Variants in ARHGEF9 observed in about 807,000 individuals in gnomAD.
ARHGEF9 encodes Cdc42 guanine nucleotide exchange factor 9.
In ARHGEF9, 2 loss-of-function variants were observed where a neutral mutation model predicts 41.3. The ratio of observed to expected loss-of-function variants is 0.05; its 90% CI spans 0.02 to 0.15. The LOEUF is 0.15. Ranked by LOEUF, ARHGEF9 falls within the 10% of genes least tolerant of loss-of-function variation. ARHGEF9 has a pLI of 1.00. For synonymous variants in ARHGEF9, 160 were observed against 154.4 expected, an observed-to-expected ratio of 1.04 and a Z score of -0.27; for missense variants, 225 against 424.7, an observed-to-expected ratio of 0.53 and a Z score of 4.13.
chrX:63,706,586 G>A (rs868911340), intron 2 of ARHGEF9, 137 bp from the exon 3 acceptor site: 27 of 733,288 alleles, frequency 3.7e-5, no homozygotes, highest in African/African-American at 1.7e-4. Context: ...AGTAGAATTC[G>A]AAACCTGGCT....
chrX:63,669,865 G>A (rs1488971648), intron 6 of ARHGEF9, among the ~76,000 whole-genome samples: 10 of 112,004 alleles, frequency 8.9e-5, no homozygotes, highest in African/African-American at 3.2e-4. Flanking sequence ...AAATCAATGA[G>A]AGTGGAAACT....
At chrX:63,724,811 C>T in intron 1 of ARHGEF9, 100 bp from the exon 2 acceptor site, 1 of 871,311 alleles carries the variant, frequency 1.1e-6, no homozygotes, top group Admixed American at 2.3e-5. Flanking sequence ...AACTCATATA[C>T]TCAAGTGGTG....
chrX:63,665,873 G>C lies in ARHGEF9; in HGVS notation c.1077+13C>G, dbSNP rs782189949. 9 of 1,207,967 alleles carry C rather than the reference G, an allele frequency of 7.5e-6. No individual in the cohort carries two copies. The Admixed American group carries it at 1.5e-4, about 21-fold the overall frequency. ...GTACCCATCTCCCTCAGGGAAGAAG[G>C]GGGCAGGGTTACCTTCTTGCAGAGG... is the stretch of plus-strand genomic sequence containing the variant. On this transcript the variant is annotated intron_variant, in intron 7 of 9. Coordinates refer to ENST00000671741, the MANE Select transcript of ARHGEF9 (RefSeq NM_001353921.2).
chrX:63,664,274 T>C (rs1406870579), intron 7 of ARHGEF9, among the ~76,000 whole-genome samples: 1 of 112,533 alleles, frequency 8.9e-6, no homozygotes, highest in African/African-American at 3.2e-5. Flanking sequence ...CCTTTATTCC[T>C]GGCTTCTGAC....
intron 8 of ARHGEF9, among the ~76,000 whole-genome samples, chrX:63,646,308 C>G (rs1277301350): frequency 8.9e-6 from 1 of 111,941 alleles, no homozygotes; most frequent in Non-Finnish European, 1.9e-5. Context: ...CTTGCCCATG[C>G]GTATGTCCCG....
chrX:63,676,145 C>T (rs1390118022), intron 5 of ARHGEF9, among the ~76,000 whole-genome samples: 2 of 112,062 alleles, frequency 1.8e-5, no homozygotes, highest in Non-Finnish European at 3.8e-5. Context: ...CCTCCTAGTT[C>T]ACATCCCTCA....
chrX:63,775,206 C>T (rs1556457473), intron 1 of ARHGEF9, among the ~76,000 whole-genome samples: 1 of 112,332 alleles, frequency 8.9e-6, no homozygotes, highest in Non-Finnish European at 1.9e-5. Flanking sequence ...AGAGAAAAGG[C>T]AACACTTATA....
At chrX:63,754,275 G>A in intron 1 of ARHGEF9, 1 of 1,203,974 alleles carries the variant, frequency 8.3e-7, no homozygotes. Flanking sequence ...GACAAGACAC[G>A]ACAAAAGATT....
intron 1 of ARHGEF9, among the ~76,000 whole-genome samples, chrX:63,778,987 C>T (rs1392396275): frequency 1.8e-5 from 2 of 111,757 alleles, no homozygotes; most frequent in East Asian, 5.6e-4. Context: ...GCACTTTATC[C>T]CCATTTTATG....
chrX:63,643,555 C>G (rs1476799305), intron 9 of ARHGEF9, among the ~76,000 whole-genome samples: 3 of 110,190 alleles, frequency 2.7e-5, no homozygotes, highest in African/African-American at 6.6e-5. Context: ...CCAAGTTGGC[C>G]AGGCTGGTCT....
intron 1 of ARHGEF9, among the ~76,000 whole-genome samples, chrX:63,771,440 T>C (rs1168384702): frequency 8.9e-6 from 1 of 112,421 alleles, no homozygotes; most frequent in Non-Finnish European, 1.9e-5. Flanking sequence ...CGTGCTCAGA[T>C]AATTGGTTGA....
intron 8 of ARHGEF9, among the ~76,000 whole-genome samples, chrX:63,646,494 C>A (rs1249379371): frequency 8.9e-6 from 1 of 111,881 alleles, no homozygotes; most frequent in African/African-American, 3.3e-5. Context: ...GGAATTGTTT[C>A]CCCATTGCTT....
rs782358245 is a variant in ARHGEF9 at position 63,637,882 on chromosome X, C to G, written c.*146G>C. On this transcript the variant is annotated 3_prime_UTR_variant, in exon 10 of 10. Transcript: ENST00000671741. ...TGTGTGTGTGTGTGTGTGTGTGTGT[C>G]TGTGTGTGTGTGTGTGTATGTGTAC... 1,082 of 287,330 alleles carry G rather than the reference C, an allele frequency of 3.8e-3. 2 individuals are homozygous for G. Among genetic ancestry groups the G allele is most frequent in the African/African-American group, 9.0e-3 (251 of 27,860 alleles). The allele number at this position is 287,330 out of a possible 1,213,427, so 23.7% of individuals were successfully genotyped here.
chrX:63,784,424 G>A (rs1397898725), intron 1 of ARHGEF9, among the ~76,000 whole-genome samples: 2 of 112,755 alleles, frequency 1.8e-5, no homozygotes, highest in African/African-American at 6.4e-5. Context: ...CACACTCCTT[G>A]GGAGGGAGAG....
chrX:63,660,973 A>G (rs1256872937), intron 7 of ARHGEF9, among the ~76,000 whole-genome samples: 1 of 111,896 alleles, frequency 8.9e-6, no homozygotes, highest in Non-Finnish European at 1.9e-5. Context: ...CCACTACCTC[A>G]GGTGGTTCTC....
chrX:63,647,838 T>G (rs1265349204), intron 8 of ARHGEF9, among the ~76,000 whole-genome samples: 1 of 111,345 alleles, frequency 9.0e-6, no homozygotes, highest in East Asian at 2.8e-4. Context: ...CTGGTAGAAT[T>G]TGGCTGTGAA....
chrX:63,710,696 G>C (rs1312232745), intron 2 of ARHGEF9, among the ~76,000 whole-genome samples: 5 of 110,385 alleles, frequency 4.5e-5, no homozygotes, highest in African/African-American at 1.6e-4. Context: ...AAATAATAAT[G>C]AACATTTATA....
rs1556389802 is a variant in ARHGEF9 at position 63,697,331 on chromosome X, G to A, written c.403-27C>T. ...TGTAGACAAAGAAAAAGCCTAGGCT[G>A]AGGAAGTCCCTGACTTCCAGAAGGC... On this transcript the variant is annotated intron_variant, in intron 3 of 9. Coordinates refer to ENST00000671741, the MANE Select transcript of ARHGEF9 (RefSeq NM_001353921.2). 3 of 1,201,106 alleles carry A rather than the reference G, an allele frequency of 2.5e-6. No homozygotes were observed. In the East Asian group the frequency reaches 8.9e-5, roughly 36 times the overall value.
intron 1 of ARHGEF9, among the ~76,000 whole-genome samples, chrX:63,761,264 A>C (rs2056029291): frequency 8.9e-6 from 1 of 112,142 alleles, no homozygotes; most frequent in African/African-American, 3.2e-5. Context: ...TCACACAGCT[A>C]CCAAGAAGCA....
Sources: gnomAD v4.1 joint callset for allele counts (sites outside exome capture counted in the v4.1 genomes callset) on GRCh38, gnomAD v4.1.1 for gene constraint, MANE v1.5 for transcripts, NCBI Gene and HGNC (gene_info 2026-07-23, HGNC 2026-07-21) for gene names.